Variants in ARHGEF4 observed in about 807,000 individuals in gnomAD.
ARHGEF4 encodes the protein Rho guanine nucleotide exchange factor 4.
In ARHGEF4, 119 loss-of-function variants were observed where a neutral mutation model predicts 162.0. That is an observed-to-expected ratio of 0.73 (90% CI 0.63 to 0.86). The LOEUF (loss-of-function observed/expected upper bound fraction) is 0.86, where lower values mean the gene tolerates loss of function less well. ARHGEF4 is among the 40% of genes least tolerant of loss of function. The pLI, the probability that ARHGEF4 is intolerant of heterozygous loss-of-function variation, is 0.00. For missense variants in ARHGEF4, 2,488 were observed against 2,456.0 expected, an observed-to-expected ratio of 1.01 and a Z score of -0.28; for synonymous variants, 1,014 against 979.9, an observed-to-expected ratio of 1.03 and a Z score of -0.65.
Position 130,916,585 on chromosome 2 carries a change from C to G in ARHGEF4, c.2639C>G (p.Ser880Ter). 6.4e-7 allele frequency: 1 copy of G among 1,550,488 alleles called. No individual in the cohort carries two copies. Among genetic ancestry groups the G allele is most frequent in the Non-Finnish European group, 8.7e-7 (1 of 1,146,952 alleles). Residue 880 changes from serine to a stop codon, truncating the protein, a stop_gained, in exon 2 of 14, where the codon TCA becomes TGA. Coordinates refer to ENST00000409359, the MANE Select transcript of ARHGEF4 (RefSeq NM_001367493.1). LOFTEE classifies it high-confidence loss of function. The stretch of plus-strand genomic sequence containing the variant: ...GCAGGAGCGGGGCACACGGGGACCT[C>G]AGGGGATCTTGGTAGCCGAGGGCCT... ...GPAGAGHTGT[S>*]GDLGSRGPSS...
chr2:130,838,478 C>G (rs1156783882), intron 1 of ARHGEF4, among the ~76,000 whole-genome samples: 1 of 152,046 alleles, frequency 6.6e-6, no homozygotes, highest in South Asian at 2.1e-4. Context: ...CGGTAGTGGG[C>G]GCCTGTAATC....
At chr2:130,978,955 A>C (rs2105244843) in intron 4 of ARHGEF4, among the ~76,000 whole-genome samples, 1 of 152,276 alleles carries the variant, frequency 6.6e-6, no homozygotes, top group African/African-American at 2.4e-5. Flanking sequence ...TCTCCCTCTA[A>C]TCCAATGGCA....
intron 2 of ARHGEF4, among the ~76,000 whole-genome samples, chr2:130,926,077 T>G (rs1424459231): frequency 2.8e-5 from 4 of 143,456 alleles, no homozygotes; most frequent in Non-Finnish European, 4.5e-5. Flanking sequence ...TTTCTTTCTT[T>G]GGTCTGTTTT....
chr2:130,961,223 G>A (rs1174496232), intron 4 of ARHGEF4, among the ~76,000 whole-genome samples: 1 of 152,234 alleles, frequency 6.6e-6, no homozygotes, highest in Non-Finnish European at 1.5e-5. Flanking sequence ...ACACAGTGAT[G>A]GGTAATGCCC....
At chr2:130,913,331 A>ATT (rs936568686) in intron 1 of ARHGEF4, among the ~76,000 whole-genome samples, 1 of 152,238 alleles carries the variant, frequency 6.6e-6, no homozygotes, top group African/African-American at 2.4e-5. Flanking sequence ...AGATCTGTGC[A>ATT]TTTTAAATGG....
At chr2:130,869,200 C>T (rs760399174) in intron 1 of ARHGEF4, among the ~76,000 whole-genome samples, 1 of 152,116 alleles carries the variant, frequency 6.6e-6, no homozygotes, top group Non-Finnish European at 1.5e-5. Flanking sequence ...TGTCTGGCCA[C>T]AGAGAGAGTA....
intron 1 of ARHGEF4, among the ~76,000 whole-genome samples, chr2:130,893,653 C>G (rs990790388): frequency 6.6e-6 from 1 of 152,158 alleles, no homozygotes; most frequent in Non-Finnish European, 1.5e-5. Flanking sequence ...GCAAGAAACT[C>G]TTCCCTACTT....
chr2:130,977,637 T>G (rs1685838087), intron 4 of ARHGEF4, among the ~76,000 whole-genome samples: 1 of 151,900 alleles, frequency 6.6e-6, no homozygotes, highest in Non-Finnish European at 1.5e-5. Context: ...TGTGTGTGTT[T>G]TGTGTTTTGC....
chr2:130,843,799 C>A (rs1341527191), intron 1 of ARHGEF4, among the ~76,000 whole-genome samples: 1 of 152,238 alleles, frequency 6.6e-6, no homozygotes, highest in African/African-American at 2.4e-5. Flanking sequence ...ACAGCGTATC[C>A]TCGGGAAATG....
At chr2:130,986,997 A>G (rs1050696106) in intron 4 of ARHGEF4, among the ~76,000 whole-genome samples, 1 of 152,220 alleles carries the variant, frequency 6.6e-6, no homozygotes, top group African/African-American at 2.4e-5. Context: ...CAGCAAGCCA[A>G]CGCTGGCTCT....
chr2:131,014,538 A>G (rs1688657108), intron 4 of ARHGEF4, among the ~76,000 whole-genome samples: 1 of 152,198 alleles, frequency 6.6e-6, no homozygotes. Context: ...GAGCCCTCCA[A>G]TCCATGAACA....
chr2:130,951,715 G>C lies in ARHGEF4; in HGVS notation c.3985+5080G>C, dbSNP rs560613781. Among the ~76,000 whole-genome samples, 16 of 151,954 alleles carry C rather than the reference G, an allele frequency of 1.1e-4. No homozygotes were observed. In the East Asian group the frequency reaches 3.1e-3, roughly 29 times the overall value. On this transcript the variant is annotated intron_variant, in intron 4 of 13. Coordinates refer to ENST00000409359, the MANE Select transcript of ARHGEF4 (RefSeq NM_001367493.1). ...TTTTTGAGATTTGTTTTTAATGGTA[G>C]CTTTAGCGTTTCATGTATATATATA...
At chr2:131,035,169 G>GC (rs1243170891) in intron 5 of ARHGEF4, 14 of 1,219,602 alleles carry the variant, frequency 1.1e-5, no homozygotes, top group East Asian at 3.2e-5. Flanking sequence ...GCTGCAACCT[G>GC]CCCCCCGGCG....
chr2:130,855,708 A>G (rs1217646425), intron 1 of ARHGEF4, among the ~76,000 whole-genome samples: 3 of 152,204 alleles, frequency 2.0e-5, no homozygotes, highest in Admixed American at 6.5e-5. Context: ...GACCTCAGAG[A>G]TGATCTCTCA....
chr2:130,869,268 C>T (rs978980307), intron 1 of ARHGEF4, among the ~76,000 whole-genome samples: 26 of 152,184 alleles, frequency 1.7e-4, no homozygotes, highest in South Asian at 4.2e-4. Context: ...TAATCTGTGC[C>T]GGTGATGGAA....
At chr2:130,953,516 A>G (rs1684081774) in intron 4 of ARHGEF4, among the ~76,000 whole-genome samples, 2 of 152,220 alleles carry the variant, frequency 1.3e-5, no homozygotes, top group South Asian at 4.1e-4. Context: ...CATGACTAAA[A>G]CACCAAAAGT....
At chr2:130,872,830 T>C (rs1438355353) in intron 1 of ARHGEF4, among the ~76,000 whole-genome samples, 2 of 152,204 alleles carry the variant, frequency 1.3e-5, no homozygotes, top group East Asian at 1.9e-4. Context: ...TTGGTGCACT[T>C]TGGGGGCTGA....
chr2:130,864,508 A>C (rs976160088), intron 1 of ARHGEF4, among the ~76,000 whole-genome samples: 1 of 152,130 alleles, frequency 6.6e-6, no homozygotes, highest in Non-Finnish European at 1.5e-5. Context: ...GCGAATCACT[A>C]GAGGTCAGGA....
intron 1 of ARHGEF4, among the ~76,000 whole-genome samples, chr2:130,838,521 G>T (rs1282438308): frequency 6.6e-6 from 1 of 152,134 alleles, no homozygotes; most frequent in Non-Finnish European, 1.5e-5. Flanking sequence ...CAGGAGAATT[G>T]CTTGAACCCG....
Sources: gnomAD v4.1 joint callset for allele counts (sites outside exome capture counted in the v4.1 genomes callset) on GRCh38, gnomAD v4.1.1 for gene constraint, MANE v1.5 for transcripts, NCBI Gene and HGNC (gene_info 2026-07-23, HGNC 2026-07-21) for gene names.